The following SYNE2 variants were observed in gnomAD, a reference collection of about 807,000 sequenced individuals.
SYNE2 encodes the protein nesprin-2.
In SYNE2, 431 loss-of-function variants were observed where a neutral mutation model predicts 856.3. That is an observed-to-expected ratio of 0.50 (90% CI 0.47 to 0.55). The LOEUF (loss-of-function observed/expected upper bound fraction) is 0.55. SYNE2 is among the 20% of genes least tolerant of loss of function. The pLI is 0.00. For synonymous variants in SYNE2, 2,923 were observed against 2,872.3 expected (o/e 1.02, Z -0.56); for missense variants, 8,129 against 8,023.2 (o/e 1.01, Z -0.50).
At chr14:63,827,625 C>CAAAAAAAAAAA (rs11334415) in intron 1 of SYNE2, among the ~76,000 whole-genome samples, 47 of 28,364 alleles carry the variant, frequency 1.7e-3, no homozygotes, top group East Asian at 6.1e-3. Context: ...AACTCTGTCT[C>CAAAAAAAAAAA]AAAAAAAAAA....
intron 46 of SYNE2, 36 bp from the exon 47 acceptor site, chr14:64,049,575 A>G (rs1421070307): frequency 9.3e-6 from 15 of 1,607,500 alleles, no homozygotes; most frequent in Admixed American, 1.7e-5. Context: ...TAAATAAGTG[A>G]GTGTTTATTG....
intron 59 of SYNE2, 78 bp downstream of exon 59, chr14:64,089,774 T>G (rs1010662026): frequency 9.5e-6 from 12 of 1,260,268 alleles, no homozygotes; most frequent in Non-Finnish European, 1.3e-5. Context: ...TAATGTGATT[T>G]AAAAAAGCAT....
chr14:63,814,711 CATATATATCCAT>C (rs1334693258), intron 1 of SYNE2, among the ~76,000 whole-genome samples: 65 of 102,906 alleles, frequency 6.3e-4, no homozygotes, highest in African/African-American at 7.7e-4. Context: ...CATATATATC[CATATATATCCAT>C]ATATATATCC....
intron 67 of SYNE2, among the ~76,000 whole-genome samples, chr14:64,120,245 A>G (rs1218455799): frequency 6.6e-6 from 1 of 150,732 alleles, no homozygotes; most frequent in East Asian, 1.9e-4. Context: ...TTTCATCCTA[A>G]TATGTTCTCT....
chr14:63,826,516 G>A (rs1212202156), intron 1 of SYNE2, among the ~76,000 whole-genome samples: 1 of 152,074 alleles, frequency 6.6e-6, no homozygotes, highest in Non-Finnish European at 1.5e-5. Context: ...TGGCCGGGAT[G>A]GTCTTGATCT....
intron 12 of SYNE2, among the ~76,000 whole-genome samples, chr14:63,977,010 G>A (rs1177198091): frequency 6.6e-6 from 1 of 151,562 alleles, no homozygotes; most frequent in East Asian, 1.9e-4. Flanking sequence ...AGGGGTGGGA[G>A]GGTGGAGAAG....
chr14:64,097,867 C>T, intron 61 of SYNE2, 82 bp from the exon 62 acceptor site: 1 of 1,411,568 alleles, frequency 7.1e-7, no homozygotes, highest in Non-Finnish European at 1.0e-6. Context: ...ATCTTCAGCC[C>T]TTGTACCAAA....
At chr14:64,190,907 T>A (rs1396291805) in intron 99 of SYNE2, 1 of 697,438 alleles carries the variant, frequency 1.4e-6, no homozygotes, top group Admixed American at 2.0e-5. Flanking sequence ...TCAAATTCCC[T>A]CTCTAAAGAC....
intron 100 of SYNE2, among the ~76,000 whole-genome samples, chr14:64,205,452 C>T (rs967282532): frequency 6.6e-6 from 1 of 152,140 alleles, no homozygotes; most frequent in African/African-American, 2.4e-5. Context: ...AAACAACCAC[C>T]TTACCTATGT....
intron 1 of SYNE2, among the ~76,000 whole-genome samples, chr14:63,840,399 TTTCCTTCCTTCCTTCCTTCCTTCC>T (rs747899857): frequency 8.7e-6 from 1 of 115,414 alleles, no homozygotes; most frequent in African/African-American, 3.4e-5. Flanking sequence ...CTTTCTTTCC[TTTCCTTCCTTCCTTCCTTCCTTCC>T]TTCCTTCCTT....
At chr14:63,846,338 G>A (rs994197798) in intron 1 of SYNE2, among the ~76,000 whole-genome samples, 3 of 152,202 alleles carry the variant, frequency 2.0e-5, no homozygotes, top group East Asian at 1.9e-4. Context: ...GAGAGCCATC[G>A]TGTGTGTAGC....
chr14:63,992,249 A>AT (rs1041204332), intron 21 of SYNE2, among the ~76,000 whole-genome samples: 2 of 151,508 alleles, frequency 1.3e-5, no homozygotes, highest in Non-Finnish European at 2.9e-5. Context: ...AAGGAAAAAA[A>AT]AAATAGAGGG....
chr14:63,781,563 C>T (rs1487588282), intron 1 of SYNE2, among the ~76,000 whole-genome samples: 1 of 151,474 alleles, frequency 6.6e-6, no homozygotes, highest in Non-Finnish European at 1.5e-5. Context: ...TGGAAAGCCA[C>T]TGTTTTCTCA....
intron 1 of SYNE2, among the ~76,000 whole-genome samples, chr14:63,798,168 T>A (rs1057047125): frequency 2.6e-5 from 4 of 152,184 alleles, no homozygotes; most frequent in African/African-American, 9.7e-5. Flanking sequence ...GCCTCCTAAG[T>A]ATCTGTGACT....
At chr14:63,952,853 T>C (rs1001097338) in intron 7 of SYNE2, among the ~76,000 whole-genome samples, 7 of 152,328 alleles carry the variant, frequency 4.6e-5, no homozygotes, top group African/African-American at 1.7e-4. Flanking sequence ...TATCATTTGA[T>C]TCAGACCTTA....
chr14:63,816,315 A>G (rs1888992227), intron 1 of SYNE2, among the ~76,000 whole-genome samples: 2 of 152,176 alleles, frequency 1.3e-5, no homozygotes, highest in South Asian at 4.1e-4. Flanking sequence ...TCAAATGGAC[A>G]GAGTCATTTA....
intron 2 of SYNE2, among the ~76,000 whole-genome samples, chr14:63,937,427 CAG>C (rs2095847482): frequency 6.6e-6 from 1 of 152,068 alleles, no homozygotes; most frequent in Admixed American, 6.6e-5. Context: ...CGTTGGAGCA[CAG>C]GGATGGGATA....
intron 35 of SYNE2, among the ~76,000 whole-genome samples, chr14:64,020,505 ATAGT>A (rs1235093437): frequency 1.3e-5 from 2 of 152,228 alleles, no homozygotes; most frequent in Non-Finnish European, 2.9e-5. Flanking sequence ...AATAGTTGGT[ATAGT>A]TAAATATATT....
In SYNE2 at chr14:64,083,763, A is replaced by C. The variant is rs532277669; in HGVS notation, c.11484+2183A>C. On this transcript the variant is annotated intron_variant, in intron 57 of 115. Coordinates refer to ENST00000555002, the MANE Select transcript of SYNE2 (RefSeq NM_182914.3). ...CTTTTAAAGAAGTGTCAGAACTCTC[A>C]ACTAAGCTTTAAATGTTTGTTTTAA... 8.3e-4 allele frequency among the ~76,000 whole-genome samples: 127 copies of C among 152,272 alleles called. 2 individuals are homozygous for C. The South Asian group carries it at 0.023, about 27-fold the overall frequency.
Sources: allele counts gnomAD v4.1 joint callset (sites outside exome capture counted in the v4.1 genomes callset), GRCh38; gene constraint gnomAD v4.1.1; transcripts MANE v1.5; gene names NCBI Gene and HGNC (gene_info 2026-07-23, HGNC 2026-07-21).